NUP58: variants seen among roughly 807,000 people sequenced by gnomAD.
NUP58 encodes nucleoporin p58/p45.
NUP58 carries 17 observed loss-of-function variants against 70.1 expected under a neutral mutation model. That is an observed-to-expected ratio of 0.24 (90% CI 0.17 to 0.36). The LOEUF (loss-of-function observed/expected upper bound fraction) is 0.36, where lower values mean the gene tolerates loss of function less well. Among genes scored for constraint, NUP58 ranks in the 10% least tolerant of loss-of-function variants. The probability of loss-of-function intolerance (pLI) is 1.00; values close to 1 mark genes in which losing one functional copy is unlikely to be tolerated. For missense variants in NUP58, 644 were observed against 701.5 expected, an observed-to-expected ratio of 0.92 and a Z score of 0.93; for synonymous variants, 275 against 257.6, an observed-to-expected ratio of 1.07 and a Z score of -0.65.
At chr13:25,349,100 C>G (rs1303267906) in intron 3 of NUP58, among the ~76,000 whole-genome samples, 1 of 152,142 alleles carries the variant, frequency 6.6e-6, no homozygotes, top group Non-Finnish European at 1.5e-5. Context: ...TTAATACAGG[C>G]TTCCAATACA....
intron 1 of NUP58, among the ~76,000 whole-genome samples, chr13:25,305,825 C>T (rs1330366964): frequency 6.6e-6 from 1 of 152,002 alleles, no homozygotes; most frequent in Non-Finnish European, 1.5e-5. Flanking sequence ...CCAGTGTTTG[C>T]AAAAATTTGA....
intron 1 of NUP58, among the ~76,000 whole-genome samples, chr13:25,307,184 A>G (rs2137718029): frequency 1.4e-5 from 2 of 147,894 alleles, no homozygotes; most frequent in Middle Eastern, 3.6e-3. Flanking sequence ...ATTGCTGTAG[A>G]CTGCTTTTCT....
chr13:25,342,448 A>G (rs1014352800), downstream of NUP58: 1 of 151,180 alleles, frequency 6.6e-6, no homozygotes, highest in African/African-American at 2.5e-5. Context: ...TGTTCTTAAT[A>G]TGTAATTTTA....
At chr13:25,306,433 G>A (rs1203149084) in intron 1 of NUP58, among the ~76,000 whole-genome samples, 1 of 151,080 alleles carries the variant, frequency 6.6e-6, no homozygotes, top group Non-Finnish European at 1.5e-5. Context: ...AGTGGGTACT[G>A]TTAATTCCTG....
At chr13:25,339,168 T>C (rs747556174) in intron 15 of NUP58, among the ~76,000 whole-genome samples, 3 of 152,234 alleles carry the variant, frequency 2.0e-5, no homozygotes, top group Non-Finnish European at 2.9e-5. Context: ...TAATTTAGTT[T>C]CTTGTTCATT....
Position 25,319,631 on chromosome 13 carries a change from T to C in NUP58, c.710+281T>C, listed in dbSNP as rs150446451. Among the ~76,000 whole-genome samples the C allele has an allele frequency of 7.1e-3, 1,085 of 152,218 alleles. 5 individuals carry two copies. Among genetic ancestry groups the C allele is most frequent in the South Asian group, 0.014 (69 of 4,826 alleles). On this transcript the variant is annotated intron_variant, in intron 7 of 15. Transcript: ENST00000381736. ...AAATACAAATATGTGTGTTTATTTC[T>C]TTAGTCTGTTAAATATTGAACAACT...
At chr13:25,328,927 T>C (rs1321108262) in intron 12 of NUP58, among the ~76,000 whole-genome samples, 1 of 152,178 alleles carries the variant, frequency 6.6e-6, no homozygotes, top group Non-Finnish European at 1.5e-5. Context: ...TTTTCATTTT[T>C]ATTTTGATTT....
At chr13:25,310,177 C>G (rs1163023432) in intron 3 of NUP58, among the ~76,000 whole-genome samples, 1 of 145,182 alleles carries the variant, frequency 6.9e-6, no homozygotes. Flanking sequence ...GTAGCTAGGA[C>G]TACAGGCACA....
chr13:25,309,161 A>G, intron 2 of NUP58, 86 bp from the exon 3 acceptor site: 2 of 987,456 alleles, frequency 2.0e-6, no homozygotes, highest in Non-Finnish European at 3.2e-6. Flanking sequence ...CCTGAGGGTG[A>G]TTTTAAGTCT....
At chr13:25,306,346 G>A (rs983990232) in intron 1 of NUP58, among the ~76,000 whole-genome samples, 33 of 149,850 alleles carry the variant, frequency 2.2e-4, no homozygotes, top group African/African-American at 7.4e-4. Flanking sequence ...CGGAGCTTGC[G>A]GAGTGCCACT....
At chr13:25,324,095 G>C (rs2031296623) in intron 9 of NUP58, among the ~76,000 whole-genome samples, 1 of 152,176 alleles carries the variant, frequency 6.6e-6, no homozygotes, top group Non-Finnish European at 1.5e-5. Context: ...GCTAGAGTCA[G>C]TGCTTAGAGA....
intron 7 of NUP58, 98 bp downstream of exon 7, chr13:25,319,448 T>A: frequency 8.5e-7 from 1 of 1,182,570 alleles, no homozygotes; most frequent in African/African-American, 1.5e-5. Context: ...ATCATATACA[T>A]TTAGGAGAAA....
At chr13:25,329,723 TCTATC>T (rs1197135687) in intron 12 of NUP58, among the ~76,000 whole-genome samples, 1 of 152,244 alleles carries the variant, frequency 6.6e-6, no homozygotes, top group Non-Finnish European at 1.5e-5. Flanking sequence ...CGTTAACTAT[TCTATC>T]CAGCCAGGCC....
At chr13:25,349,219 C>T (rs1050947053) in intron 3 of NUP58, among the ~76,000 whole-genome samples, 1 of 152,136 alleles carries the variant, frequency 6.6e-6, no homozygotes, top group Non-Finnish European at 1.5e-5. Flanking sequence ...TTTTTGCTTA[C>T]GGTCTAACCA....
chr13:25,344,242 T>C (rs754246018), downstream of NUP58, among the ~76,000 whole-genome samples: 1 of 152,150 alleles, frequency 6.6e-6, no homozygotes, highest in African/African-American at 2.4e-5. Flanking sequence ...ATATTTTTCC[T>C]GAGAGATATG....
chr13:25,312,089 A>C (rs2030697050), intron 3 of NUP58, among the ~76,000 whole-genome samples: 1 of 152,158 alleles, frequency 6.6e-6, no homozygotes, highest in African/African-American at 2.4e-5. Context: ...TTGGGGAAGT[A>C]AGGAGGTAGG....
At chr13:25,307,992 A>G (rs1419320953) in intron 2 of NUP58, 44 bp downstream of exon 2, 4 of 1,604,194 alleles carry the variant, frequency 2.5e-6, no homozygotes, top group Non-Finnish European at 3.4e-6. Flanking sequence ...GGCTTGGGAT[A>G]TTCTTTCCTA....
rs550572697 is a variant in NUP58 at position 25,318,020 on chromosome 13, C to T, written c.686-1306C>T. ...CTGGGACCACAAGTACGCAGCACCA[C>T]GCCTAGCTAATTTTTAAAAAATTTT... On this transcript the variant is annotated intron_variant, in intron 6 of 15. Coordinates refer to ENST00000381736, the MANE Select transcript of NUP58 (RefSeq NM_014089.4). 4.6e-5 allele frequency among the ~76,000 whole-genome samples: 7 copies of T among 151,974 alleles called. No homozygotes were observed. In the South Asian group the frequency reaches 1.2e-3, roughly 27 times the overall value.
chr13:25,343,862 C>G (rs769340060), downstream of NUP58, among the ~76,000 whole-genome samples: 1 of 129,184 alleles, frequency 7.7e-6, no homozygotes, highest in Non-Finnish European at 1.6e-5. Context: ...CACATACATA[C>G]ACACACACAC....
Sources: allele counts gnomAD v4.1 joint callset (sites outside exome capture counted in the v4.1 genomes callset), GRCh38; gene constraint gnomAD v4.1.1; transcripts MANE v1.5; gene names NCBI Gene and HGNC (gene_info 2026-07-23, HGNC 2026-07-21).